The following STXBP4 variants were observed in gnomAD, a reference collection of about 807,000 sequenced individuals.
The protein encoded by STXBP4 is syntaxin-binding protein 4.
A neutral mutation model predicts 76.1 loss-of-function variants in STXBP4; 55 were observed. The observed-to-expected ratio is 0.72, with a 90% CI of 0.58 to 0.91. STXBP4 has a LOEUF of 0.91. Among genes scored for constraint, STXBP4 ranks in the 40% least tolerant of loss-of-function variants. The probability of loss-of-function intolerance (pLI) is 0.00; values close to 1 mark genes in which losing one functional copy is unlikely to be tolerated. For missense variants in STXBP4, 618 were observed against 636.9 expected (o/e 0.97, Z 0.32); for synonymous variants, 201 against 220.2 (o/e 0.91, Z 0.77).
At chr17:55,131,285 A>T (rs1158333584) in intron 16 of STXBP4, among the ~76,000 whole-genome samples, 1 of 152,142 alleles carries the variant, frequency 6.6e-6, no homozygotes, top group African/African-American at 2.4e-5. Flanking sequence ...AATCACTTTT[A>T]TACATCTGTT....
chr17:55,149,212 A>G (rs1432486219), intron 17 of STXBP4, among the ~76,000 whole-genome samples: 1 of 152,218 alleles, frequency 6.6e-6, no homozygotes, highest in Admixed American at 6.5e-5. Context: ...AGCTGTAACC[A>G]TCCATGTGAC....
intron 10 of STXBP4, among the ~76,000 whole-genome samples, chr17:55,040,747 T>G (rs2078684383): frequency 6.6e-6 from 1 of 152,046 alleles, no homozygotes; most frequent in Non-Finnish European, 1.5e-5. Flanking sequence ...GTTCGGGAGA[T>G]CCAAGGATCA....
intron 16 of STXBP4, among the ~76,000 whole-genome samples, chr17:55,102,330 T>C (rs1386593235): frequency 6.6e-6 from 1 of 152,154 alleles, no homozygotes; most frequent in Non-Finnish European, 1.5e-5. Flanking sequence ...CCTGTGTCCA[T>C]GTGTTCTCGT....
downstream of STXBP4, among the ~76,000 whole-genome samples, chr17:55,178,606 T>G (rs911463771): frequency 6.6e-5 from 10 of 152,228 alleles, no homozygotes; most frequent in African/African-American, 2.4e-4. Flanking sequence ...TTTATACATA[T>G]AAGGAGATTT....
chr17:55,121,445 A>G (rs1047956935), intron 16 of STXBP4, among the ~76,000 whole-genome samples: 2 of 152,178 alleles, frequency 1.3e-5, no homozygotes, highest in Non-Finnish European at 2.9e-5. Flanking sequence ...TCATTATGTC[A>G]TTATGAGCAA....
At chr17:55,037,103 C>G (rs1203987252) in intron 10 of STXBP4, among the ~76,000 whole-genome samples, 1 of 152,070 alleles carries the variant, frequency 6.6e-6, no homozygotes, top group East Asian at 1.9e-4. Context: ...CCAGTTCTCC[C>G]AGAATGAAGC....
chr17:55,205,826 T>C, the STXBP4 span, among the ~76,000 whole-genome samples: 1 of 152,142 alleles, frequency 6.6e-6, no homozygotes, highest in East Asian at 1.9e-4. Context: ...CTTTACAATA[T>C]TTATCAAACT....
chr17:55,082,432 T>C (rs1824394997), intron 16 of STXBP4, among the ~76,000 whole-genome samples: 1 of 152,152 alleles, frequency 6.6e-6, no homozygotes, highest in South Asian at 2.1e-4. Context: ...TGCAAAAATA[T>C]TTGGAGTTTA....
intron 10 of STXBP4, among the ~76,000 whole-genome samples, chr17:55,035,104 A>G (rs1314852496): frequency 6.6e-6 from 1 of 151,974 alleles, no homozygotes; most frequent in Admixed American, 6.6e-5. Context: ...TTGAAATGCA[A>G]ACTTTATCAT....
At chr17:55,194,880 CTT>C in the STXBP4 span, among the ~76,000 whole-genome samples, 1 of 152,186 alleles carries the variant, frequency 6.6e-6, no homozygotes, top group African/African-American at 2.4e-5. Context: ...GAACAGTACT[CTT>C]TGAGTGGAAG....
chr17:55,049,200 A>G (rs1162383093), intron 12 of STXBP4, among the ~76,000 whole-genome samples: 2 of 152,034 alleles, frequency 1.3e-5, no homozygotes, highest in Non-Finnish European at 2.9e-5. Context: ...TTTGTGATAT[A>G]CCAGTACTAA....
At chr17:55,056,293 T>C (rs755752332) in intron 12 of STXBP4, among the ~76,000 whole-genome samples, 1 of 152,188 alleles carries the variant, frequency 6.6e-6, no homozygotes, top group Non-Finnish European at 1.5e-5. Flanking sequence ...ATACTGTATC[T>C]TTGAAATCTA....
intron 1 of STXBP4, 47 bp downstream of exon 1, chr17:54,968,862 C>T: frequency 1.8e-6 from 1 of 547,494 alleles, no homozygotes; most frequent in Non-Finnish European, 3.3e-6. Flanking sequence ...CTTCGCTTCT[C>T]GCCAGAACGT....
intron 10 of STXBP4, among the ~76,000 whole-genome samples, chr17:55,035,981 C>T (rs2078595258): frequency 6.6e-6 from 1 of 151,946 alleles, no homozygotes; most frequent in Non-Finnish European, 1.5e-5. Flanking sequence ...TTAACATATG[C>T]TTTACCTCAA....
At chr17:55,189,246 T>A in the STXBP4 span, among the ~76,000 whole-genome samples, 1 of 152,176 alleles carries the variant, frequency 6.6e-6, no homozygotes, top group Non-Finnish European at 1.5e-5. Flanking sequence ...ATTATGAGAA[T>A]ATATATTTTT....
chr17:55,113,519 T>A lies in STXBP4; in HGVS notation c.1490-27791T>A, dbSNP rs76058004. Among the ~76,000 whole-genome samples, 414 of 152,282 alleles carry A rather than the reference T, an allele frequency of 2.7e-3. 1 individual carries two copies. The highest frequency in any genetic ancestry group is 6.8e-3 in the Middle Eastern group (2 of 294). On this transcript the variant is annotated intron_variant, in intron 16 of 17. Transcript: ENST00000376352. ...TTCTAGTGAGATGTGCTCTGATAGC[T>A]GTCATCGAAGTGTGGTTTAACTGTA...
chr17:55,127,936 C>T (rs1017270732), intron 16 of STXBP4, among the ~76,000 whole-genome samples: 2 of 148,876 alleles, frequency 1.3e-5, no homozygotes, highest in South Asian at 2.2e-4. Flanking sequence ...TATTCAAGGT[C>T]GGAAACAGCA....
intron 16 of STXBP4, among the ~76,000 whole-genome samples, chr17:55,122,300 A>G (rs1385412418): frequency 1.3e-5 from 2 of 152,228 alleles, no homozygotes; most frequent in East Asian, 1.9e-4. Context: ...AAGTGCTGTG[A>G]TAGAAACTGG....
At position 54,999,699 on chromosome 17, in the gene STXBP4, T is replaced by C. The variant is rs1402844490; in HGVS notation, c.355T>C (p.Ser119Pro). 1.9e-6 allele frequency: 3 copies of C among 1,613,774 alleles called. No homozygotes were observed. Among genetic ancestry groups the C allele is most frequent in the Non-Finnish European group, 2.5e-6 (3 of 1,179,816 alleles). Reference protein sequence around the residue: ...KSDNIQPENLSCTSLIEASGE... With the variant: ...KSDNIQPENLPCTSLIEASGE... Reference sequence around the variant, plus strand: ...CGACAACATTCAGCCAGAAAATCTGTCATGTACATCACTTATAGAAGCTTC... The same window carrying C: ...CGACAACATTCAGCCAGAAAATCTGCCATGTACATCACTTATAGAAGCTTC... Residue 119 changes from serine (S) to proline (P), a missense_variant, in exon 6 of 18, where the codon TCA (serine) becomes CCA (proline). Coordinates refer to ENST00000376352, the MANE Select transcript of STXBP4 (RefSeq NM_178509.6).
Sources: gnomAD v4.1 joint callset for allele counts (sites outside exome capture counted in the v4.1 genomes callset) on GRCh38, gnomAD v4.1.1 for gene constraint, MANE v1.5 for transcripts, NCBI Gene and HGNC (gene_info 2026-07-23, HGNC 2026-07-21) for gene names.